TASP1: variants seen among roughly 807,000 people sequenced by gnomAD.
The protein encoded by TASP1 is taspase 1.
Under a neutral mutation model 56.6 loss-of-function variants are expected in TASP1, and 16 were observed. The observed-to-expected ratio is 0.28, with a 90% CI of 0.19 to 0.43. The LOEUF (loss-of-function observed/expected upper bound fraction) is 0.43, where lower values mean the gene tolerates loss of function less well. TASP1 is among the 20% of genes least tolerant of loss of function. TASP1 has a pLI of 1.00. For missense variants in TASP1, 393 were observed against 511.6 expected (o/e 0.77, Z 2.24); for synonymous variants, 179 against 184.2 (o/e 0.97, Z 0.23).
chr20:13,214,562 C>CACACAGAG, the TASP1 span, among the ~76,000 whole-genome samples: 19 of 111,378 alleles, frequency 1.7e-4, no homozygotes, highest in African/African-American at 5.9e-4. Context: ...CACACACACA[C>CACACAGAG]AGAGAGAGAG....
chr20:13,442,742 C>A (rs1161797738), intron 11 of TASP1, among the ~76,000 whole-genome samples: 1 of 151,934 alleles, frequency 6.6e-6, no homozygotes, highest in Admixed American at 6.5e-5. Flanking sequence ...GGCTACCATG[C>A]AAGCTTATAT....
At chr20:13,576,847 C>T (rs776780208) in intron 6 of TASP1, among the ~76,000 whole-genome samples, 6 of 152,072 alleles carry the variant, frequency 3.9e-5, no homozygotes, top group East Asian at 1.9e-4. Flanking sequence ...TTAATAAAGA[C>T]GCAGCCATCA....
At chr20:13,197,538 G>A in the TASP1 span, among the ~76,000 whole-genome samples, 5 of 152,224 alleles carry the variant, frequency 3.3e-5, no homozygotes, top group Admixed American at 1.3e-4. Flanking sequence ...AGATGAATAG[G>A]GAAGTTCACT....
the TASP1 span, among the ~76,000 whole-genome samples, chr20:13,155,287 C>T: frequency 3.0e-4 from 45 of 152,156 alleles, no homozygotes; most frequent in African/African-American, 1.1e-3. Context: ...ACATACTACG[C>T]ATCAGATTCT....
the TASP1 span, chr20:13,167,230 T>C: frequency 1.2e-3 from 184 of 152,316 alleles, no homozygotes; most frequent in African/African-American, 4.2e-3. Context: ...TCTCAAATGC[T>C]AGGCTAATAA....
At chr20:13,163,367 C>CAAAAAAAAA in the TASP1 span, among the ~76,000 whole-genome samples, 2 of 90,086 alleles carry the variant, frequency 2.2e-5, no homozygotes, top group Non-Finnish European at 2.2e-5. Context: ...GACGCTGTCT[C>CAAAAAAAAA]AAAAAAAAAA....
chr20:13,237,590 G>T, the TASP1 span, among the ~76,000 whole-genome samples: 1 of 152,306 alleles, frequency 6.6e-6, no homozygotes. Flanking sequence ...AGGGCAGCTA[G>T]GGTGCTGGTA....
chr20:13,143,393 TACTA>T, the TASP1 span, among the ~76,000 whole-genome samples: 2 of 152,244 alleles, frequency 1.3e-5, no homozygotes, highest in Admixed American at 6.5e-5. Flanking sequence ...TCAGACACCC[TACTA>T]ACTGCTTAAT....
the TASP1 span, among the ~76,000 whole-genome samples, chr20:13,249,433 G>T: frequency 6.6e-6 from 1 of 152,202 alleles, no homozygotes; most frequent in Admixed American, 6.5e-5. Context: ...GACAGACATG[G>T]CAGGACCACA....
the TASP1 span, among the ~76,000 whole-genome samples, chr20:13,155,309 C>A: frequency 2.0e-5 from 3 of 152,308 alleles, no homozygotes; most frequent in South Asian, 6.2e-4. Context: ...GAGGTCCTAA[C>A]TCCCCTCCAA....
At chr20:13,281,626 A>G in the TASP1 span, among the ~76,000 whole-genome samples, 28 of 152,230 alleles carry the variant, frequency 1.8e-4, no homozygotes, top group Non-Finnish European at 3.2e-4. Context: ...CTTGACCACT[A>G]TACAATTCTG....
chr20:13,325,705 T>A, the TASP1 span, among the ~76,000 whole-genome samples: 25 of 152,246 alleles, frequency 1.6e-4, no homozygotes, highest in Non-Finnish European at 3.7e-4. Flanking sequence ...TAATATCCAT[T>A]CATTCCTTCC....
intron 11 of TASP1, among the ~76,000 whole-genome samples, chr20:13,479,621 A>G (rs947829415): frequency 2.0e-5 from 3 of 151,946 alleles, no homozygotes; most frequent in Non-Finnish European, 2.9e-5. Context: ...TAGCCTCCCA[A>G]GTAGCTGGGA....
the TASP1 span, among the ~76,000 whole-genome samples, chr20:13,268,387 TCTCTCTC>T: frequency 8.1e-6 from 1 of 123,250 alleles, no homozygotes; most frequent in South Asian, 2.5e-4. Flanking sequence ...TCTCTCTCTC[TCTCTCTC>T]TCTCTCTCTC....
At chr20:13,394,307 C>CAAAAAAAAAAAAAAAAAAAAAAAAAGAA (rs57418361) in intron 13 of TASP1, among the ~76,000 whole-genome samples, 29 of 42,942 alleles carry the variant, frequency 6.8e-4, no homozygotes, top group African/African-American at 2.5e-3. Context: ...CACTCCCTCT[C>CAAAAAAAAAAAAAAAAAAAAAAAAAGAA]AAAAAAAAAA....
At chr20:13,537,437 G>A (rs2045457865) in intron 8 of TASP1, among the ~76,000 whole-genome samples, 1 of 152,124 alleles carries the variant, frequency 6.6e-6, no homozygotes, top group Admixed American at 6.5e-5. Context: ...GCATTTTTAT[G>A]AAGTGCAGAT....
chr20:13,488,678 C>A (rs1243919394), intron 10 of TASP1, among the ~76,000 whole-genome samples: 2 of 152,120 alleles, frequency 1.3e-5, no homozygotes, highest in African/African-American at 2.4e-5. Context: ...CTCCAGTTAT[C>A]CACACTACCT....
the TASP1 span, among the ~76,000 whole-genome samples, chr20:13,181,094 A>G: frequency 1.3e-5 from 2 of 152,180 alleles, no homozygotes; most frequent in African/African-American, 4.8e-5. Context: ...CTGGTTAAAG[A>G]TTCTCTCTTG....
At chr20:13,402,651 A>T (rs2123661443) in intron 13 of TASP1, among the ~76,000 whole-genome samples, 1 of 152,376 alleles carries the variant, frequency 6.6e-6, no homozygotes, top group South Asian at 2.1e-4. Flanking sequence ...GAACTAGATT[A>T]TCAAAAGCAG....
Sources: gnomAD v4.1 joint callset for allele counts (sites outside exome capture counted in the v4.1 genomes callset) on GRCh38, gnomAD v4.1.1 for gene constraint, MANE v1.5 for transcripts, NCBI Gene and HGNC (gene_info 2026-07-23, HGNC 2026-07-21) for gene names.